Variants in AGBL4 observed in about 807,000 individuals in gnomAD.
The protein encoded by AGBL4 is AGBL carboxypeptidase 4.
In AGBL4, 58 loss-of-function variants were observed where a neutral mutation model predicts 66.4. The ratio of observed to expected loss-of-function variants is 0.87; its 90% confidence interval spans 0.71 to 1.09. The LOEUF is 1.09. AGBL4 is among the 50% of genes least tolerant of loss of function. AGBL4 has a pLI of 0.00. For synonymous variants in AGBL4, 234 were observed against 222.9 expected, an observed-to-expected ratio of 1.05 and a Z score of -0.44; for missense variants, 579 against 631.0, an observed-to-expected ratio of 0.92 and a Z score of 0.88.
At chr1:48,583,572 G>C (rs1389083974) in intron 11 of AGBL4, among the ~76,000 whole-genome samples, 1 of 152,168 alleles carries the variant, frequency 6.6e-6, no homozygotes, top group Non-Finnish European at 1.5e-5. Flanking sequence ...TCCCACAGCA[G>C]GGGTTAGACA....
At chr1:48,769,148 G>A (rs531484282) in intron 6 of AGBL4, among the ~76,000 whole-genome samples, 1 of 152,148 alleles carries the variant, frequency 6.6e-6, no homozygotes, top group Admixed American at 6.5e-5. Context: ...CCAGTCACAG[G>A]GACTTCCAGG....
intron 3 of AGBL4, among the ~76,000 whole-genome samples, chr1:49,694,615 T>C (rs969800615): frequency 2.0e-5 from 3 of 152,072 alleles, no homozygotes; most frequent in African/African-American, 7.2e-5. Context: ...CAGACCCAAC[T>C]CTCTTGTAAG....
intron 4 of AGBL4, among the ~76,000 whole-genome samples, chr1:49,181,013 T>C (rs1328636279): frequency 1.3e-5 from 2 of 152,198 alleles, no homozygotes; most frequent in African/African-American, 4.8e-5. Context: ...GTCTGCATGA[T>C]AGAGCCAAAT....
chr1:49,896,803 C>A (rs1390380489), intron 1 of AGBL4, among the ~76,000 whole-genome samples: 1 of 151,912 alleles, frequency 6.6e-6, no homozygotes, highest in Non-Finnish European at 1.5e-5. Context: ...GATGGTTCAG[C>A]ATATGCAAAT....
Position 48,776,667 on chromosome 1 carries a change from C to CG in AGBL4, c.634+90523dup, listed in dbSNP as rs773017054. On this transcript the variant is annotated intron_variant, in intron 6 of 13. Coordinates refer to ENST00000371839, the MANE Select transcript of AGBL4 (RefSeq NM_032785.4). The stretch of plus-strand genomic sequence containing the variant: ...GCGCGCCCCAGTCGCGGGGGGCGCG[C>CG]GGGGGGCTCTCGGGCCCGGCGCCCA... The CG allele has an allele frequency of 1.1e-5, 17 of 1,497,212 alleles. 1 individual carries two copies. The South Asian group carries it at 1.8e-4, about 16-fold the overall frequency. 92.7% of individuals were successfully genotyped at this position (1,497,212 alleles called of 1,614,324 possible).
chr1:48,796,752 A>T (rs113409420), intron 6 of AGBL4, among the ~76,000 whole-genome samples: 2 of 152,212 alleles, frequency 1.3e-5, no homozygotes, highest in Non-Finnish European at 2.9e-5. Flanking sequence ...CAGCTCTGTA[A>T]CCATAGACAG....
intron 4 of AGBL4, among the ~76,000 whole-genome samples, chr1:49,126,465 G>A (rs1645766217): frequency 6.6e-6 from 1 of 151,940 alleles, no homozygotes. Flanking sequence ...TAGAGACAAA[G>A]GAATTAAACT....
At chr1:49,776,058 G>T (rs1282494099) in intron 2 of AGBL4, among the ~76,000 whole-genome samples, 1 of 152,000 alleles carries the variant, frequency 6.6e-6, no homozygotes, top group African/African-American at 2.4e-5. Flanking sequence ...GAGAGAAATA[G>T]ATACAAAAAC....
At chr1:49,740,784 C>T (rs1384338460) in intron 2 of AGBL4, among the ~76,000 whole-genome samples, 1 of 152,202 alleles carries the variant, frequency 6.6e-6, no homozygotes, top group East Asian at 1.9e-4. Flanking sequence ...ACTGAACAAA[C>T]TGCTCCTGAA....
At chr1:49,670,646 C>T (rs920686373) in intron 3 of AGBL4, among the ~76,000 whole-genome samples, 19 of 152,118 alleles carry the variant, frequency 1.2e-4, no homozygotes, top group Non-Finnish European at 2.2e-4. Flanking sequence ...TCTGAATAGG[C>T]TCTCCAAATT....
At chr1:49,738,069 G>C (rs551491018) in intron 2 of AGBL4, among the ~76,000 whole-genome samples, 214 of 152,330 alleles carry the variant, frequency 1.4e-3, no homozygotes, top group Non-Finnish European at 2.2e-3. Flanking sequence ...GCAGGACAGT[G>C]GGTGCAGCGC....
At chr1:49,022,610 G>T (rs965306042) in intron 5 of AGBL4, among the ~76,000 whole-genome samples, 1 of 152,048 alleles carries the variant, frequency 6.6e-6, no homozygotes, top group African/African-American at 2.4e-5. Context: ...ATGAGTTGGA[G>T]CTCGTTCCTT....
chr1:49,267,552 C>T lies in AGBL4; in HGVS notation c.283-21688G>A, dbSNP rs180904450. ...AAAATTAGCCGGGCATGGTGGCACACGCCTGTAGTCCAAGCTACTCGAGAG... is the reference window on the plus strand; with the variant it reads ...AAAATTAGCCGGGCATGGTGGCACATGCCTGTAGTCCAAGCTACTCGAGAG... On this transcript the variant is annotated intron_variant, in intron 3 of 13. Coordinates refer to ENST00000371839, the MANE Select transcript of AGBL4 (RefSeq NM_032785.4). Among the ~76,000 whole-genome samples the T allele has an allele frequency of 1.2e-4, 19 of 152,064 alleles. No individual in the cohort carries two copies. The East Asian group carries it at 2.7e-3, about 22-fold the overall frequency.
At chr1:48,912,652 A>G (rs530168333) in intron 5 of AGBL4, among the ~76,000 whole-genome samples, 1 of 152,172 alleles carries the variant, frequency 6.6e-6, no homozygotes, top group African/African-American at 2.4e-5. Flanking sequence ...ATTTCTGTAC[A>G]TAAGGTGGTT....
chr1:49,211,641 C>T (rs1648677599), intron 4 of AGBL4, among the ~76,000 whole-genome samples: 1 of 151,924 alleles, frequency 6.6e-6, no homozygotes, highest in South Asian at 2.1e-4. Context: ...TTTTTTTGAA[C>T]ATATGTCACA....
At chr1:48,904,682 T>C (rs1051771057) in intron 5 of AGBL4, among the ~76,000 whole-genome samples, 2 of 152,184 alleles carry the variant, frequency 1.3e-5, no homozygotes, top group African/African-American at 4.8e-5. Flanking sequence ...CTGGAGTGAT[T>C]GTGAGGATTA....
intron 2 of AGBL4, among the ~76,000 whole-genome samples, chr1:49,744,123 G>GT (rs1650795088): frequency 2.0e-5 from 3 of 152,130 alleles, no homozygotes; most frequent in African/African-American, 7.2e-5. Context: ...ATTTGGCTCT[G>GT]TATCACCACC....
In AGBL4 at chr1:49,309,681, C is replaced by T. The variant is rs530828448; in HGVS notation, c.283-63817G>A. The stretch of plus-strand genomic sequence containing the variant: ...ATATTCTTTCCACAAGTGGTAGACG[C>T]AAATAATAATGAAATAAAATTACAT... On this transcript the variant is annotated intron_variant, in intron 3 of 13. Coordinates refer to ENST00000371839, the MANE Select transcript of AGBL4 (RefSeq NM_032785.4). 7.9e-5 allele frequency among the ~76,000 whole-genome samples: 12 copies of T among 151,792 alleles called. No individual in the cohort carries two copies. In the South Asian group the frequency reaches 2.3e-3, roughly 29 times the overall value.
chr1:48,731,385 G>A (rs1648101731), intron 6 of AGBL4, among the ~76,000 whole-genome samples: 3 of 152,182 alleles, frequency 2.0e-5, no homozygotes, highest in Admixed American at 2.0e-4. Flanking sequence ...ATGGCCTTGG[G>A]CAAGTTAATT....
Sources: allele counts gnomAD v4.1 joint callset (sites outside exome capture counted in the v4.1 genomes callset), GRCh38; gene constraint gnomAD v4.1.1; transcripts MANE v1.5; gene names NCBI Gene and HGNC (gene_info 2026-07-23, HGNC 2026-07-21).